PREP: variants seen among roughly 807,000 people sequenced by gnomAD.
PREP encodes prolyl endopeptidase.
A neutral mutation model predicts 87.6 loss-of-function variants in PREP; 29 were observed. The ratio of observed to expected loss-of-function variants is 0.33; its 90% CI spans 0.25 to 0.45. The LOEUF (loss-of-function observed/expected upper bound fraction) is 0.45. Ranked by LOEUF, PREP falls within the 20% of genes least tolerant of loss-of-function variation. The pLI, the probability that PREP is intolerant of heterozygous loss-of-function variation, is 1.00. For synonymous variants in PREP, 337 were observed against 328.6 expected (o/e 1.03, Z -0.28); for missense variants, 695 against 886.5 (o/e 0.78, Z 2.74).
intron 6 of PREP, among the ~76,000 whole-genome samples, chr6:105,365,879 CT>C (rs35617234): frequency 0.26 from 37,814 of 145,796 alleles, 7,056 homozygotes; most frequent in African/African-American, 0.53. Flanking sequence ...GTTCCTTTAG[CT>C]TTTTTTTTTT....
intron 10 of PREP, among the ~76,000 whole-genome samples, chr6:105,300,877 A>C (rs1027808827): frequency 1.3e-5 from 2 of 152,244 alleles, no homozygotes; most frequent in African/African-American, 4.8e-5. Context: ...AGTAAATATG[A>C]CAAATCAATG....
rs1209633812 is a variant in PREP at position 105,288,896 on chromosome 6, TAGAATATAAGAAAGC to T, written c.1318-17_1318-3del. On this transcript the variant is annotated splice_polypyrimidine_tract_variant and splice_region_variant and intron_variant, in intron 10 of 14. Transcript: ENST00000652536. ...ACCATCCTTGCTAGGGTAGAAAATC[TAGAATATAAGAAAGC>T]AGAATATAAGATTTAGCATTACTTA... 1 of 1,611,174 alleles carries T rather than the reference TAGAATATAAGAAAGC, an allele frequency of 6.2e-7. No individual in the cohort carries two copies. The highest frequency in any genetic ancestry group is 8.5e-7 in the Non-Finnish European group (1 of 1,177,574).
chr6:105,278,553 C>G lies in PREP; in HGVS notation c.1839-115G>C, dbSNP rs958770796. The G allele has an allele frequency of 9.3e-7, 1 of 1,075,888 alleles. No individual in the cohort carries two copies. The highest frequency in any genetic ancestry group is 2.5e-5 in the Admixed American group (1 of 40,702). 66.6% of individuals were successfully genotyped at this position (1,075,888 alleles called of 1,614,324 possible). A position where few individuals can be genotyped will look rare whatever the true frequency, so the allele number is the denominator to read the frequency against. On this transcript the variant is annotated intron_variant, in intron 14 of 14. Coordinates refer to ENST00000652536, the MANE Select transcript of PREP (RefSeq NM_002726.5). This position sits in a 1 kb window ranked among gnomAD's most constrained non-coding sequence, Gnocchi z 4.2. The stretch of plus-strand genomic sequence containing the variant: ...TGCAGTTAACTAGTACGTGAGTGAC[C>G]ACCATGGACTGTGCCTATGCGTTAC...
intron 6 of PREP, among the ~76,000 whole-genome samples, chr6:105,356,399 A>G (rs1162090501): frequency 6.6e-6 from 1 of 152,224 alleles, no homozygotes; most frequent in African/African-American, 2.4e-5. Context: ...GTCAGCTTAC[A>G]GCCCCCTAGT....
intron 10 of PREP, among the ~76,000 whole-genome samples, chr6:105,321,298 C>T (rs549758537): frequency 4.9e-4 from 75 of 152,118 alleles, no homozygotes; most frequent in Non-Finnish European, 9.6e-4. Flanking sequence ...CTTTTTATTC[C>T]TCCTATTACA....
intron 7 of PREP, among the ~76,000 whole-genome samples, chr6:105,334,805 TCACTG>T (rs1771438566): frequency 1.3e-5 from 2 of 152,166 alleles, no homozygotes; most frequent in Non-Finnish European, 2.9e-5. Context: ...TGATCATAGT[TCACTG>T]CAACCTCCAA....
chr6:105,346,295 A>G (rs1267047696), intron 7 of PREP, among the ~76,000 whole-genome samples: 1 of 152,252 alleles, frequency 6.6e-6, no homozygotes, highest in East Asian at 1.9e-4. Context: ...AAGAGTCAGT[A>G]TCATCTCTGC....
intron 10 of PREP, among the ~76,000 whole-genome samples, chr6:105,292,254 C>G (rs1032210473): frequency 2.0e-5 from 3 of 152,178 alleles, no homozygotes; most frequent in Admixed American, 6.5e-5. Flanking sequence ...CGTATGGCAA[C>G]TACAGCCTTA....
intron 10 of PREP, among the ~76,000 whole-genome samples, chr6:105,309,552 G>A (rs1770718068): frequency 6.6e-6 from 1 of 152,128 alleles, no homozygotes; most frequent in African/African-American, 2.4e-5. Flanking sequence ...GTTTCGCCAT[G>A]TTGGCCAGGC....
intron 10 of PREP, among the ~76,000 whole-genome samples, chr6:105,304,135 A>G (rs997923010): frequency 5.9e-5 from 9 of 152,244 alleles, no homozygotes; most frequent in Non-Finnish European, 1.0e-4. Flanking sequence ...ACAAAAAATA[A>G]TAATACAACA....
intron 2 of PREP, among the ~76,000 whole-genome samples, chr6:105,382,314 A>ACACACACAC (rs1562224795): frequency 5.6e-5 from 7 of 123,934 alleles, no homozygotes; most frequent in Admixed American, 5.0e-4. Flanking sequence ...CACACACACA[A>ACACACACAC]AGTATGTGAG....
Position 105,333,400 on chromosome 6 carries a change from T to C in PREP, c.929A>G (p.Asn310Ser), listed in dbSNP as rs374389008. The C allele has an allele frequency of 1.2e-4, 195 of 1,614,180 alleles. 1 individual carries two copies. In the Middle Eastern group the frequency reaches 3.0e-3, roughly 25 times the overall value. The change falls in exon 8 of 15, where the codon AAC becomes AGC. Residue 310 changes from asparagine to serine, a missense_variant. By Grantham distance (46) the Asn-to-Ser change is conservative. Coordinates refer to ENST00000652536, the MANE Select transcript of PREP (RefSeq NM_002726.5). ...FTFKTNRQSP[N>S]YRVINIDFRD... is the part of the protein sequence containing the mutation. ...GAAGTCAATGTTGATCACGCGATAGTTGGGAGACTGGCGATTCGTCTTGAA... is the reference window on the plus strand; with the variant it reads ...GAAGTCAATGTTGATCACGCGATAGCTGGGAGACTGGCGATTCGTCTTGAA...
chr6:105,376,371 A>C (rs890217958), intron 3 of PREP, 116 bp from the exon 4 acceptor site: 1 of 1,249,694 alleles, frequency 8.0e-7, no homozygotes, highest in Non-Finnish European at 1.1e-6. Flanking sequence ...GTACCACTGT[A>C]ATCTGGCCAT....
At chr6:105,306,420 G>A (rs1770659697) in intron 10 of PREP, among the ~76,000 whole-genome samples, 1 of 152,084 alleles carries the variant, frequency 6.6e-6, no homozygotes, top group East Asian at 1.9e-4. Context: ...CATGTCCTGG[G>A]CTGTAAGGAA....
chr6:105,279,391 G>C (rs1373824205), intron 14 of PREP, among the ~76,000 whole-genome samples: 2 of 152,200 alleles, frequency 1.3e-5, no homozygotes, highest in African/African-American at 2.4e-5. Flanking sequence ...AGTGTCTTTT[G>C]ACCAGCCCCA....
rs1261806483 is a variant in PREP at position 105,276,193 on chromosome 6, C to A, written c.*1951G>T. ...GTGGGATTAGTTGTCCTGTGAAAATCTAGACACAAAAATTAGGTTGGAAAA... is the reference window on the plus strand; with the variant it reads ...GTGGGATTAGTTGTCCTGTGAAAATATAGACACAAAAATTAGGTTGGAAAA... On this transcript the variant is annotated 3_prime_UTR_variant, in exon 15 of 15. Transcript: ENST00000652536. Among the ~76,000 whole-genome samples the A allele has an allele frequency of 6.6e-6, 1 of 152,192 alleles. No individual in the cohort carries two copies. Among genetic ancestry groups the A allele is most frequent in the African/African-American group, 2.4e-5 (1 of 41,440 alleles).
chr6:105,397,568 A>T (rs1469234623), intron 2 of PREP, among the ~76,000 whole-genome samples: 1 of 152,228 alleles, frequency 6.6e-6, no homozygotes, highest in East Asian at 1.9e-4. Flanking sequence ...TTTTGGCAAA[A>T]ATCAGTTTTC....
intron 12 of PREP, among the ~76,000 whole-genome samples, chr6:105,284,789 G>A (rs970585175): frequency 1.1e-4 from 16 of 152,198 alleles, no homozygotes; most frequent in African/African-American, 3.9e-4. Context: ...AAGAGATGCA[G>A]CTTTAAAATA....
chr6:105,374,690 A>G (rs1048167512), intron 4 of PREP, among the ~76,000 whole-genome samples: 2 of 82,082 alleles, frequency 2.4e-5, no homozygotes, highest in Non-Finnish European at 4.6e-5. Flanking sequence ...ATATATATAT[A>G]TATCAGAAAA....
Sources: allele counts gnomAD v4.1 joint callset (sites outside exome capture counted in the v4.1 genomes callset), GRCh38; gene constraint gnomAD v4.1.1; non-coding constraint Gnocchi (gnomAD v3.1); transcripts MANE v1.5; gene names NCBI Gene and HGNC (gene_info 2026-07-23, HGNC 2026-07-21).